Variants in ANTXR2 observed in about 807,000 individuals in gnomAD.
ANTXR2 encodes anthrax toxin receptor 2.
A neutral mutation model predicts 73.7 loss-of-function variants in ANTXR2; 44 were observed. The ratio of observed to expected loss-of-function variants is 0.60; its 90% CI spans 0.47 to 0.77. ANTXR2 has a LOEUF of 0.77. Ranked by LOEUF, ANTXR2 falls within the 30% of genes least tolerant of loss-of-function variation. The pLI is 0.00. For synonymous variants in ANTXR2, 217 were observed against 205.9 expected (o/e 1.05, Z -0.46); for missense variants, 604 against 592.5 (o/e 1.02, Z -0.20).
chr4:79,957,687 T>C (rs190890593), intron 16 of ANTXR2, among the ~76,000 whole-genome samples: 72 of 152,202 alleles, frequency 4.7e-4, no homozygotes, highest in Admixed American at 2.8e-3. Context: ...GTTTAGAGCC[T>C]TATCTGTTTT....
intron 16 of ANTXR2, among the ~76,000 whole-genome samples, chr4:79,908,042 A>C (rs961540974): frequency 6.6e-6 from 1 of 152,186 alleles, no homozygotes; most frequent in Admixed American, 6.6e-5. Context: ...GCACTTACAC[A>C]TTTCTAAAGA....
chr4:80,047,876 G>A (rs1208185375), intron 7 of ANTXR2, among the ~76,000 whole-genome samples: 1 of 151,714 alleles, frequency 6.6e-6, no homozygotes, highest in African/African-American at 2.4e-5. Context: ...TTACAGGCCA[G>A]TAACATTCTA....
At chr4:80,032,005 T>C (rs898264878) in intron 9 of ANTXR2, among the ~76,000 whole-genome samples, 6 of 151,682 alleles carry the variant, frequency 4.0e-5, no homozygotes, top group African/African-American at 1.4e-4. Context: ...TAAAAACAAA[T>C]GCTCCGTATT....
intron 16 of ANTXR2, among the ~76,000 whole-genome samples, chr4:79,924,939 G>T (rs1727723810): frequency 6.6e-6 from 1 of 152,112 alleles, no homozygotes; most frequent in Non-Finnish European, 1.5e-5. Context: ...ATTACAGATA[G>T]AAAAGCTATA....
rs141147478 is a variant in ANTXR2 at position 79,998,646 on chromosome 4, C to T, written c.1041+9875G>A. On this transcript the variant is annotated intron_variant, in intron 12 of 16. Coordinates refer to ENST00000403729, the MANE Select transcript of ANTXR2 (RefSeq NM_058172.6). ...AAACAGGATAAGTTTTGTTTTAATG[C>T]CTCCTGCCTTTTTAACCTAGGGAAA... Among the ~76,000 whole-genome samples the T allele has an allele frequency of 4.6e-3, 693 of 152,080 alleles. 10 individuals are homozygous for T. The highest frequency in any genetic ancestry group is 0.016 in the African/African-American group (658 of 41,502).
chr4:80,012,098 T>C (rs1466169399), intron 11 of ANTXR2, among the ~76,000 whole-genome samples: 1 of 152,112 alleles, frequency 6.6e-6, no homozygotes, highest in African/African-American at 2.4e-5. Flanking sequence ...CTGCAATCTA[T>C]CTAGAAAATA....
At chr4:80,003,455 A>G (rs1246908471) in intron 12 of ANTXR2, among the ~76,000 whole-genome samples, 3 of 151,560 alleles carry the variant, frequency 2.0e-5, no homozygotes, top group African/African-American at 7.3e-5. Flanking sequence ...AGATATACCT[A>G]ATGCTAAATG....
intron 16 of ANTXR2, 115 bp downstream of exon 16, chr4:79,977,506 A>C: frequency 6.7e-7 from 1 of 1,490,462 alleles, no homozygotes; most frequent in Non-Finnish European, 8.9e-7. Flanking sequence ...ACTTGACAGT[A>C]TTTCCTTCCT....
At chr4:79,981,551 T>C (rs1006082142) in intron 14 of ANTXR2, among the ~76,000 whole-genome samples, 6 of 152,170 alleles carry the variant, frequency 3.9e-5, no homozygotes, top group African/African-American at 7.2e-5. Context: ...GTATAGGGTA[T>C]ATATCAAACA....
chr4:80,036,073 T>C, intron 7 of ANTXR2, 41 bp from the exon 8 acceptor site: 1 of 1,417,842 alleles, frequency 7.1e-7, no homozygotes, highest in Non-Finnish European at 9.4e-7. Context: ...GCTATAGATC[T>C]AAAATTACAA....
At chr4:79,995,160 G>T (rs913825254) in intron 12 of ANTXR2, among the ~76,000 whole-genome samples, 1 of 151,850 alleles carries the variant, frequency 6.6e-6, no homozygotes, top group African/African-American at 2.4e-5. Flanking sequence ...TTTATATGTT[G>T]ATTTTGTAAT....
intron 7 of ANTXR2, among the ~76,000 whole-genome samples, chr4:80,045,588 T>C (rs1369380994): frequency 2.0e-5 from 3 of 151,394 alleles, no homozygotes; most frequent in African/African-American, 7.3e-5. Flanking sequence ...GGTTTTTTTT[T>C]TTTTTCCTGA....
intron 16 of ANTXR2, 116 bp downstream of exon 16, chr4:79,977,505 T>C: frequency 6.7e-6 from 10 of 1,492,064 alleles, no homozygotes; most frequent in Non-Finnish European, 8.0e-6. Context: ...CACTTGACAG[T>C]ATTTCCTTCC....
At chr4:79,962,894 T>C (rs1729196846) in intron 16 of ANTXR2, among the ~76,000 whole-genome samples, 1 of 152,148 alleles carries the variant, frequency 6.6e-6, no homozygotes, top group African/African-American at 2.4e-5. Flanking sequence ...ATTTTAATGA[T>C]TTTTTTTAAG....
chr4:79,990,948 T>A (rs560708222), intron 12 of ANTXR2, among the ~76,000 whole-genome samples: 1 of 151,946 alleles, frequency 6.6e-6, no homozygotes, highest in African/African-American at 2.4e-5. Flanking sequence ...TCACCATATA[T>A]AAAAACCAGC....
chr4:80,041,113 A>G (rs557679891), intron 7 of ANTXR2, among the ~76,000 whole-genome samples: 2 of 152,134 alleles, frequency 1.3e-5, no homozygotes, highest in Non-Finnish European at 2.9e-5. Flanking sequence ...ATAAACAAAT[A>G]TTTTTATCCA....
chr4:79,996,735 G>A (rs972338297), intron 12 of ANTXR2, among the ~76,000 whole-genome samples: 1 of 151,960 alleles, frequency 6.6e-6, no homozygotes, highest in Non-Finnish European at 1.5e-5. Context: ...AAAAACTACA[G>A]TCATGAGAAT....
Position 80,008,565 on chromosome 4 carries a change from C to A in ANTXR2, c.997G>T (p.Gly333Trp). Residue 333 changes from glycine to tryptophan, a missense_variant, in exon 12 of 17, where the codon GGG becomes TGG. Physicochemically the swap from Gly to Trp is radical, Grantham distance 184. Coordinates refer to ENST00000403729, the MANE Select transcript of ANTXR2 (RefSeq NM_058172.6). Reference protein sequence around the residue: ...IVILVLLLLLGIGLMWWFWPL... With the variant: ...IVILVLLLLLWIGLMWWFWPL... Reference sequence around the variant, plus strand: ...CAAAACCACCACATCAAACCGATCCCCAGGAGTAGCAGTAACACCAAAATA... The same window carrying A: ...CAAAACCACCACATCAAACCGATCCACAGGAGTAGCAGTAACACCAAAATA... The A allele has an allele frequency of 6.2e-7, 1 of 1,608,034 alleles. No individual in the cohort carries two copies. The highest frequency in any genetic ancestry group is 1.1e-5 in the South Asian group (1 of 89,626).
chr4:79,975,192 A>G (rs780815931), intron 16 of ANTXR2, among the ~76,000 whole-genome samples: 1 of 152,186 alleles, frequency 6.6e-6, no homozygotes, highest in Non-Finnish European at 1.5e-5. Context: ...CTATATTCAA[A>G]GACAGGGCAC....
Sources: allele counts gnomAD v4.1 joint callset (sites outside exome capture counted in the v4.1 genomes callset), GRCh38; gene constraint gnomAD v4.1.1; transcripts MANE v1.5; gene names NCBI Gene and HGNC (gene_info 2026-07-23, HGNC 2026-07-21).